ERBB4: variants seen among roughly 807,000 people sequenced by gnomAD.
The protein encoded by ERBB4 is erb-b2 receptor tyrosine kinase 4, also known as receptor tyrosine-protein kinase erbB-4.
Under a neutral mutation model 158.0 loss-of-function variants are expected in ERBB4, and 42 were observed. The observed-to-expected ratio is 0.27, with a 90% CI of 0.21 to 0.34. ERBB4 has a LOEUF of 0.34. Among genes scored for constraint, ERBB4 ranks in the 10% least tolerant of loss-of-function variants. ERBB4 has a pLI of 1.00. For missense variants in ERBB4, 1,333 were observed against 1,624.1 expected (o/e 0.82, Z 3.08); for synonymous variants, 583 against 558.7 (o/e 1.04, Z -0.61).
chr2:211,927,897 T>C (rs944524661), intron 3 of ERBB4, among the ~76,000 whole-genome samples: 1 of 152,088 alleles, frequency 6.6e-6, no homozygotes, highest in African/African-American at 2.4e-5. Flanking sequence ...TAAAGTATAC[T>C]TTTCTATAAT....
chr2:211,906,677 T>C (rs1049990513), intron 3 of ERBB4, among the ~76,000 whole-genome samples: 1 of 151,272 alleles, frequency 6.6e-6, no homozygotes, highest in African/African-American at 2.4e-5. Flanking sequence ...CCAATATTTA[T>C]TTTTTTTCTG....
At chr2:212,516,617 T>G (rs1191660583) in intron 1 of ERBB4, among the ~76,000 whole-genome samples, 1 of 152,100 alleles carries the variant, frequency 6.6e-6, no homozygotes. Context: ...TTTAACACAG[T>G]GAGAAAATAA....
intron 1 of ERBB4, among the ~76,000 whole-genome samples, chr2:212,427,272 T>C (rs1454365717): frequency 6.6e-6 from 1 of 152,184 alleles, no homozygotes; most frequent in Admixed American, 6.6e-5. Context: ...GGCCACTTGC[T>C]TGCTCATTTG....
intron 20 of ERBB4, among the ~76,000 whole-genome samples, chr2:211,464,078 G>T (rs2064609617): frequency 1.3e-5 from 2 of 151,974 alleles, no homozygotes; most frequent in Admixed American, 1.3e-4. Context: ...AAACTACCCT[G>T]CCCACCTAAT....
In ERBB4 at chr2:212,003,259, A is replaced by C. The variant is rs1404322242; in HGVS notation, c.235-55643T>G. Among the ~76,000 whole-genome samples, 25 of 145,452 alleles carry C rather than the reference A, an allele frequency of 1.7e-4. 1 individual carries two copies. The Admixed American group carries it at 1.7e-3, about 10-fold the overall frequency. ...AAGGAAGGAAGGAAGGAAGGAAGGA[A>C]AGAGAGAGAAAGACAATACAAATGA... On this transcript the variant is annotated intron_variant, in intron 2 of 27. Coordinates refer to ENST00000342788, the MANE Select transcript of ERBB4 (RefSeq NM_005235.3).
chr2:212,365,951 C>A (rs1305064227), intron 1 of ERBB4, among the ~76,000 whole-genome samples: 3 of 151,766 alleles, frequency 2.0e-5, no homozygotes, highest in Non-Finnish European at 4.4e-5. Flanking sequence ...GACAATTAAG[C>A]ATATAGTAGA....
chr2:211,540,329 C>G (rs548029755), intron 20 of ERBB4, among the ~76,000 whole-genome samples: 1 of 151,840 alleles, frequency 6.6e-6, no homozygotes, highest in South Asian at 2.1e-4. Flanking sequence ...CAGTGGCTAC[C>G]CTTTAAGAAT....
rs1206265176 is a variant in ERBB4 at position 211,515,896 on chromosome 2, T to TTATATATATATATATATATATATATA, written c.2487+46006_2487+46007insTATATATATATATATATATATATATA. Among the ~76,000 whole-genome samples the TTATATATATATATATATATATATATA allele has an allele frequency of 2.0e-4, 18 of 88,930 alleles. 2 individuals carry two copies. The highest frequency in any genetic ancestry group is 3.6e-4 in the East Asian group (1 of 2,792). The allele number at this position is 88,930 out of a possible 152,430, so 58.3% of individuals were successfully genotyped here. On this transcript the variant is annotated intron_variant, in intron 20 of 27. Coordinates refer to ENST00000342788, the MANE Select transcript of ERBB4 (RefSeq NM_005235.3). ...TTAGTAACTTATATAAAAACATATA[T>TTATATATATATATATATATATATATA]TATATATATATATATATTTTTTTTT...
chr2:211,610,817 GA>G (rs1387190036), intron 19 of ERBB4, among the ~76,000 whole-genome samples: 4 of 152,086 alleles, frequency 2.6e-5, no homozygotes, highest in Non-Finnish European at 4.4e-5. Context: ...GTGCTCTTGA[GA>G]AATGTCCTTT....
chr2:211,909,684 A>G (rs572052523), intron 3 of ERBB4, among the ~76,000 whole-genome samples: 1 of 151,800 alleles, frequency 6.6e-6, no homozygotes, highest in South Asian at 2.1e-4. Flanking sequence ...TGAGACCACC[A>G]TGGTATATGT....
intron 1 of ERBB4, among the ~76,000 whole-genome samples, chr2:212,374,103 T>TAC (rs1361406177): frequency 6.8e-6 from 1 of 146,080 alleles, no homozygotes; most frequent in East Asian, 2.0e-4. Flanking sequence ...TATATATATA[T>TAC]ACACACACAT....
chr2:211,976,216 T>C (rs998152444), intron 2 of ERBB4, among the ~76,000 whole-genome samples: 1 of 152,180 alleles, frequency 6.6e-6, no homozygotes, highest in African/African-American at 2.4e-5. Context: ...AAATCTGTAA[T>C]AAAGTATAAC....
chr2:212,322,943 A>C (rs1243117373), intron 1 of ERBB4, among the ~76,000 whole-genome samples: 1 of 150,426 alleles, frequency 6.6e-6, no homozygotes, highest in Non-Finnish European at 1.5e-5. Flanking sequence ...AGCCGGAAAA[A>C]AAAATCATTC....
At chr2:212,082,516 A>G (rs1408794009) in intron 2 of ERBB4, among the ~76,000 whole-genome samples, 1 of 152,064 alleles carries the variant, frequency 6.6e-6, no homozygotes, top group Admixed American at 6.6e-5. Flanking sequence ...TGGGTATTAG[A>G]ACAGGGCTTT....
At chr2:212,324,264 A>G (rs942796715) in intron 1 of ERBB4, among the ~76,000 whole-genome samples, 5 of 150,664 alleles carry the variant, frequency 3.3e-5, no homozygotes, top group Non-Finnish European at 6.0e-5. Flanking sequence ...TTCCTGTTAT[A>G]TTAAATAAGA....
chr2:212,380,750 C>T (rs774651539), intron 1 of ERBB4, among the ~76,000 whole-genome samples: 3 of 150,912 alleles, frequency 2.0e-5, no homozygotes, highest in Admixed American at 6.6e-5. Flanking sequence ...TACTACCTTG[C>T]ACCCTTTTTC....
chr2:212,050,915 G>A (rs12473708), intron 2 of ERBB4, among the ~76,000 whole-genome samples: 7,574 of 152,148 alleles, frequency 0.05, 243 homozygotes, highest in South Asian at 0.11. Flanking sequence ...TATTTCTGCC[G>A]TATGAACAAC....
chr2:211,913,526 G>A (rs187313029), intron 3 of ERBB4, among the ~76,000 whole-genome samples: 253 of 152,048 alleles, frequency 1.7e-3, no homozygotes, highest in African/African-American at 5.9e-3. Context: ...GCTCGAACTC[G>A]GGAGGTGGAG....
chr2:212,032,771 A>T (rs2076931426), intron 2 of ERBB4, among the ~76,000 whole-genome samples: 1 of 151,996 alleles, frequency 6.6e-6, no homozygotes, highest in African/African-American at 2.4e-5. Flanking sequence ...CTTCTTGATA[A>T]GTTTATAGGT....
Sources: allele counts gnomAD v4.1 joint callset (sites outside exome capture counted in the v4.1 genomes callset), GRCh38; gene constraint gnomAD v4.1.1; transcripts MANE v1.5; gene names NCBI Gene and HGNC (gene_info 2026-07-23, HGNC 2026-07-21).